The following ARMC2 variants were observed in gnomAD, a reference collection of about 807,000 sequenced individuals.
The protein encoded by ARMC2 is armadillo repeat containing 2, also known as armadillo repeat-containing protein 2.
A neutral mutation model predicts 90.3 loss-of-function variants in ARMC2; 67 were observed. The ratio of observed to expected loss-of-function variants is 0.74; its 90% CI spans 0.61 to 0.91. The LOEUF is 0.91. Among genes scored for constraint, ARMC2 ranks in the 40% least tolerant of loss-of-function variants. The pLI is 0.00. For synonymous variants in ARMC2, 393 were observed against 393.0 expected (o/e 1.00, Z 0.00); for missense variants, 920 against 1,030.9 (o/e 0.89, Z 1.47).
chr6:108,866,208 C>CCT, intron 3 of ARMC2, among the ~76,000 whole-genome samples: 2 of 151,912 alleles, frequency 1.3e-5, no homozygotes, highest in East Asian at 3.9e-4. Flanking sequence ...TTGAGATTAC[C>CCT]CTCTATATTT....
intron 10 of ARMC2, among the ~76,000 whole-genome samples, chr6:108,924,790 C>T (rs1774953701): frequency 6.6e-6 from 1 of 152,190 alleles, no homozygotes; most frequent in South Asian, 2.1e-4. Context: ...TGAGATGCCC[C>T]CTCTGGCAGC....
the ARMC2 span, among the ~76,000 whole-genome samples, chr6:109,018,798 C>T: frequency 1.3e-5 from 2 of 152,184 alleles, no homozygotes; most frequent in South Asian, 4.1e-4. Flanking sequence ...TTATCTAAGT[C>T]TATAATTTCA....
At chr6:108,989,570 G>T in the ARMC2 span, among the ~76,000 whole-genome samples, 1 of 125,122 alleles carries the variant, frequency 8.0e-6, no homozygotes, top group Admixed American at 7.5e-5. Context: ...TCTAGATCTA[G>T]AGATATCTAT....
the ARMC2 span, chr6:108,990,649 T>C: frequency 6.2e-7 from 1 of 1,613,930 alleles, no homozygotes; most frequent in Non-Finnish European, 8.5e-7. Flanking sequence ...ACTAACCTTA[T>C]TCCAAACATG....
chr6:108,889,779 T>G (rs564166355), intron 5 of ARMC2, among the ~76,000 whole-genome samples: 9 of 151,922 alleles, frequency 5.9e-5, no homozygotes, highest in Middle Eastern at 3.4e-3. Flanking sequence ...CATTTTGTAG[T>G]CCACTTCTCC....
rs6933224 is a variant in ARMC2 at position 108,917,126 on chromosome 6, T to C, written c.1350+4568T>C. Reference sequence around the variant, plus strand: ...GTTTTTTCTTTACAGCCTGACCCAGTTGATTTTGAATTCAATCCTTAGAGA... The same window carrying C: ...GTTTTTTCTTTACAGCCTGACCCAGCTGATTTTGAATTCAATCCTTAGAGA... On this transcript the variant is annotated intron_variant, in intron 10 of 17. Transcript: ENST00000392644. Among the ~76,000 whole-genome samples the C allele has an allele frequency of 9.7e-3, 1,475 of 152,342 alleles. 18 individuals are homozygous for C. The highest frequency in any genetic ancestry group is 0.031 in the African/African-American group (1,299 of 41,580).
At chr6:109,026,536 C>T in the ARMC2 span, among the ~76,000 whole-genome samples, 2 of 151,958 alleles carry the variant, frequency 1.3e-5, no homozygotes, top group Admixed American at 6.5e-5. Flanking sequence ...CTCGCTCTGT[C>T]GCCAGGCTGG....
At chr6:108,881,650 G>A (rs184218178) in intron 5 of ARMC2, among the ~76,000 whole-genome samples, 1 of 152,302 alleles carries the variant, frequency 6.6e-6, no homozygotes, top group East Asian at 1.9e-4. Context: ...TGAGGGGGAA[G>A]ATGGAGCTGA....
At chr6:108,973,260 G>T in intron 17 of ARMC2, 97 bp from the exon 18 acceptor site, 1 of 1,026,426 alleles carries the variant, frequency 9.7e-7, no homozygotes, top group South Asian at 2.0e-5. Context: ...ATTAAAGGAC[G>T]ACCCAGGGTG....
intron 5 of ARMC2, among the ~76,000 whole-genome samples, chr6:108,889,610 T>A (rs970484371): frequency 6.6e-6 from 1 of 151,818 alleles, no homozygotes; most frequent in African/African-American, 2.4e-5. Context: ...TAGATAGTTT[T>A]AAAATTTTTT....
At chr6:109,039,487 G>T in the ARMC2 span, among the ~76,000 whole-genome samples, 1 of 152,142 alleles carries the variant, frequency 6.6e-6, no homozygotes, top group East Asian at 1.9e-4. Flanking sequence ...CAACTTGGAG[G>T]CAAGAACATC....
At chr6:108,862,934 C>T (rs1167501412) in intron 3 of ARMC2, among the ~76,000 whole-genome samples, 2 of 152,182 alleles carry the variant, frequency 1.3e-5, no homozygotes, top group African/African-American at 4.8e-5. Flanking sequence ...CAGCTGCCCT[C>T]TCTCTTTCTC....
At chr6:108,900,249 A>G (rs752555739) in intron 7 of ARMC2, among the ~76,000 whole-genome samples, 7 of 152,230 alleles carry the variant, frequency 4.6e-5, no homozygotes, top group Non-Finnish European at 8.8e-5. Flanking sequence ...AAGGGAGCAC[A>G]TCCGTCAGGA....
At chr6:109,002,902 C>T in the ARMC2 span, among the ~76,000 whole-genome samples, 1 of 152,042 alleles carries the variant, frequency 6.6e-6, no homozygotes, top group Non-Finnish European at 1.5e-5. Context: ...TTTAGAGAAA[C>T]TCATTTTGTT....
At chr6:108,955,752 AGTTTCT>A in intron 13 of ARMC2, among the ~76,000 whole-genome samples, 1 of 152,214 alleles carries the variant, frequency 6.6e-6, no homozygotes. Context: ...AGAGAAATTC[AGTTTCT>A]GTTCCAACCT....
chr6:108,990,571 A>G, the ARMC2 span: 9 of 1,303,838 alleles, frequency 6.9e-6, no homozygotes, highest in African/African-American at 1.3e-4. Flanking sequence ...GTCTATGTGC[A>G]TGTGCGCTCC....
intron 5 of ARMC2, among the ~76,000 whole-genome samples, chr6:108,881,614 C>T (rs1380608510): frequency 5.3e-5 from 8 of 152,078 alleles, no homozygotes; most frequent in Non-Finnish European, 1.0e-4. Context: ...TGTGTAAGGA[C>T]TCCATTCAAG....
intron 5 of ARMC2, among the ~76,000 whole-genome samples, chr6:108,892,207 T>TA (rs1771143761): frequency 6.6e-6 from 1 of 152,274 alleles, no homozygotes; most frequent in Admixed American, 6.5e-5. Flanking sequence ...GAGTGATAAA[T>TA]ATGAGAACTT....
intron 13 of ARMC2, among the ~76,000 whole-genome samples, chr6:108,956,330 A>G (rs1180692531): frequency 2.0e-5 from 3 of 152,190 alleles, no homozygotes; most frequent in African/African-American, 7.2e-5. Context: ...CTTAGAAATT[A>G]CATTTCTACC....
Sources: gnomAD v4.1 joint callset for allele counts (sites outside exome capture counted in the v4.1 genomes callset) on GRCh38, gnomAD v4.1.1 for gene constraint, MANE v1.5 for transcripts, NCBI Gene and HGNC (gene_info 2026-07-23, HGNC 2026-07-21) for gene names.